The following MYO5B variants were observed in gnomAD, a reference collection of about 807,000 sequenced individuals.
MYO5B encodes the protein unconventional myosin-Vb.
MYO5B carries 143 observed loss-of-function variants against 229.3 expected under a neutral mutation model. The ratio of observed to expected loss-of-function variants is 0.62; its 90% CI spans 0.54 to 0.72. The LOEUF is 0.72. Among genes scored for constraint, MYO5B ranks in the 30% least tolerant of loss-of-function variants. The pLI is 0.00. For missense variants in MYO5B, 2,321 were observed against 2,331.0 expected (o/e 1.00, Z 0.09); for synonymous variants, 918 against 885.2 (o/e 1.04, Z -0.66).
chr18:50,168,043 T>C (rs57661994), intron 1 of MYO5B, among the ~76,000 whole-genome samples: 2,144 of 152,336 alleles, frequency 0.014, 48 homozygotes, highest in African/African-American at 0.049. Flanking sequence ...TATATTGCAC[T>C]TATATGAAGT....
At chr18:50,164,390 T>A (rs1265342029) in intron 1 of MYO5B, among the ~76,000 whole-genome samples, 1 of 152,162 alleles carries the variant, frequency 6.6e-6, no homozygotes, top group African/African-American at 2.4e-5. Flanking sequence ...CTACCAGTTA[T>A]CCATGAGATA....
At chr18:50,072,236 A>T (rs1418215264) in intron 1 of MYO5B, among the ~76,000 whole-genome samples, 4 of 148,268 alleles carry the variant, frequency 2.7e-5, no homozygotes, top group African/African-American at 1.0e-4. Context: ...CCATTTTTAA[A>T]AAGAGAAAAA....
chr18:49,914,884 C>T (rs1441996591), intron 17 of MYO5B, among the ~76,000 whole-genome samples: 3 of 152,094 alleles, frequency 2.0e-5, no homozygotes, highest in East Asian at 1.9e-4. Context: ...ACGGGCACAC[C>T]GTGCTCTGGA....
At chr18:49,882,480 T>C (rs2024598238) in intron 22 of MYO5B, among the ~76,000 whole-genome samples, 1 of 151,476 alleles carries the variant, frequency 6.6e-6, no homozygotes, top group African/African-American at 2.4e-5. Flanking sequence ...ATACAAAAAT[T>C]AGTTGGGCGT....
chr18:50,130,276 C>T (rs1032778950), intron 1 of MYO5B, among the ~76,000 whole-genome samples: 1 of 152,158 alleles, frequency 6.6e-6, no homozygotes, highest in African/African-American at 2.4e-5. Flanking sequence ...AAATAAAAAG[C>T]TTTGCTCATT....
intron 7 of MYO5B, among the ~76,000 whole-genome samples, chr18:49,986,390 C>T (rs1278839739): frequency 6.6e-6 from 1 of 152,166 alleles, no homozygotes; most frequent in Non-Finnish European, 1.5e-5. Context: ...GCCCTAGACC[C>T]CAGTCTGACT....
intron 32 of MYO5B, 125 bp downstream of exon 32, chr18:49,849,442 G>C (rs2024171661): frequency 1.2e-6 from 1 of 811,152 alleles, no homozygotes; most frequent in African/African-American, 1.7e-5. Context: ...GGCTGGACTG[G>C]GCAGAGCCAC....
chr18:50,064,704 A>G (rs997825973), intron 1 of MYO5B, among the ~76,000 whole-genome samples: 2 of 152,182 alleles, frequency 1.3e-5, no homozygotes, highest in African/African-American at 2.4e-5. Context: ...CTTTCCCCAG[A>G]GAAACAACCT....
At chr18:50,164,994 C>T (rs533064979) in intron 1 of MYO5B, among the ~76,000 whole-genome samples, 5 of 152,188 alleles carry the variant, frequency 3.3e-5, no homozygotes, top group Non-Finnish European at 7.3e-5. Context: ...GAGGAGTTCG[C>T]AGCTTATTTG....
intron 9 of MYO5B, among the ~76,000 whole-genome samples, chr18:49,977,651 G>T (rs988387279): frequency 2.6e-5 from 4 of 152,178 alleles, no homozygotes; most frequent in African/African-American, 9.7e-5. Flanking sequence ...GAAGTGGACT[G>T]AACACTGCCT....
intron 2 of MYO5B, among the ~76,000 whole-genome samples, chr18:50,040,816 A>G (rs2029994446): frequency 6.6e-6 from 1 of 152,224 alleles, no homozygotes. Context: ...CTTCTAGGGC[A>G]GTAATTTTGC....
At chr18:50,025,186 T>C (rs2026317683) in intron 4 of MYO5B, among the ~76,000 whole-genome samples, 1 of 152,180 alleles carries the variant, frequency 6.6e-6, no homozygotes, top group Non-Finnish European at 1.5e-5. Context: ...ATCTGGGAAG[T>C]TCTCACTTCC....
At position 50,001,291 on chromosome 18, in the gene MYO5B, G is replaced by A. The variant is rs369744590; in HGVS notation, c.576C>T (p.Ile192=). 3.3e-5 allele frequency: 53 copies of A among 1,614,166 alleles called. No homozygotes were observed. In the South Asian group the frequency reaches 3.8e-4, roughly 12 times the overall value. Residue 192 remains isoleucine (I), a synonymous_variant, in exon 5 of 40, where the codon ATC becomes ATT. Coordinates refer to ENST00000285039, the MANE Select transcript of MYO5B (RefSeq NM_001080467.3). ...TVGGSASETN[I]EEKVLASSPI... ...GACTGGATGCCAGCACCTTCTCTTC[G>A]ATGTTGGTTTCACTGGCCGAGCCAC...
Position 49,906,272 on chromosome 18 carries a change from C to G in MYO5B, c.2414+147G>C, listed in dbSNP as rs2024898108. 5 of 765,722 alleles carry G rather than the reference C, an allele frequency of 6.5e-6. No individual in the cohort carries two copies. In the South Asian group the frequency reaches 7.9e-5, roughly 12 times the overall value. The allele number at this position is 765,722 out of a possible 1,614,324, so 47.4% of individuals were successfully genotyped here. A position where few individuals can be genotyped will look rare whatever the true frequency, so the allele number is the denominator to read the frequency against. On this transcript the variant is annotated intron_variant, in intron 19 of 39. Coordinates refer to ENST00000285039, the MANE Select transcript of MYO5B (RefSeq NM_001080467.3). ...GCATTGATTATAGGGATAGGCCCAG[C>G]TGCCGAGGAAAAGCCAAGATGCAGA... is the stretch of plus-strand genomic sequence containing the variant.
At chr18:49,829,524 T>C (rs184640596) in intron 39 of MYO5B, among the ~76,000 whole-genome samples, 1 of 152,318 alleles carries the variant, frequency 6.6e-6, no homozygotes, top group Non-Finnish European at 1.5e-5. Flanking sequence ...CTATCAAACA[T>C]TTAAAGAAGA....
chr18:50,092,977 A>C (rs2031478595), intron 1 of MYO5B, among the ~76,000 whole-genome samples: 1 of 152,246 alleles, frequency 6.6e-6, no homozygotes, highest in South Asian at 2.1e-4. Context: ...AGCAAATGGC[A>C]GAAGAAACCT....
At chr18:50,177,922 A>G (rs761631116) in intron 1 of MYO5B, among the ~76,000 whole-genome samples, 6 of 152,226 alleles carry the variant, frequency 3.9e-5, no homozygotes, top group Non-Finnish European at 8.8e-5. Flanking sequence ...GGGGTGCCAC[A>G]GCCCATCCTT....
intron 21 of MYO5B, among the ~76,000 whole-genome samples, chr18:49,896,065 A>C (rs139810155): frequency 3.0e-3 from 456 of 152,322 alleles, no homozygotes; most frequent in African/African-American, 0.01. Context: ...GCTAGCGGCC[A>C]AATCACCGAT....
chr18:50,071,166 C>T (rs1462738572), intron 1 of MYO5B, among the ~76,000 whole-genome samples: 1 of 152,200 alleles, frequency 6.6e-6, no homozygotes, highest in African/African-American at 2.4e-5. Context: ...TGCCAGTGGG[C>T]CTTGCTCATG....
Sources: gnomAD v4.1 joint callset for allele counts (sites outside exome capture counted in the v4.1 genomes callset) on GRCh38, gnomAD v4.1.1 for gene constraint, MANE v1.5 for transcripts, NCBI Gene and HGNC (gene_info 2026-07-23, HGNC 2026-07-21) for gene names.